NCF2: variants seen among roughly 807,000 people sequenced by gnomAD.
NCF2 encodes neutrophil cytosol factor 2.
Under a neutral mutation model 70.9 loss-of-function variants are expected in NCF2, and 45 were observed. The observed-to-expected ratio is 0.63, with a 90% CI of 0.50 to 0.81. NCF2 has a LOEUF of 0.81. NCF2 is among the 40% of genes least tolerant of loss of function. The probability of loss-of-function intolerance (pLI) is 0.00; values close to 1 mark genes in which losing one functional copy is unlikely to be tolerated. For synonymous variants in NCF2, 203 were observed against 233.6 expected, an observed-to-expected ratio of 0.87 and a Z score of 1.19; for missense variants, 522 against 631.6, an observed-to-expected ratio of 0.83 and a Z score of 1.86.
chr1:183,585,913 G>T (rs1431751873), intron 2 of NCF2, among the ~76,000 whole-genome samples: 1 of 152,166 alleles, frequency 6.6e-6, no homozygotes, highest in East Asian at 1.9e-4. Flanking sequence ...AGAAGAAAAT[G>T]GATTTTCCTA....
intron 6 of NCF2, among the ~76,000 whole-genome samples, chr1:183,569,496 C>T (rs1443250365): frequency 1.3e-5 from 2 of 152,214 alleles, no homozygotes; most frequent in Non-Finnish European, 2.9e-5. Context: ...TGACCTTGAG[C>T]TCTGTCCTTT....
chr1:183,573,348 G>A, intron 4 of NCF2, 56 bp from the exon 5 acceptor site: 9 of 1,467,734 alleles, frequency 6.1e-6, no homozygotes, highest in African/African-American at 1.4e-5. Flanking sequence ...GACGATGCTT[G>A]TCCTGCCTCC....
At chr1:183,565,818 A>T (rs1672277000) in intron 9 of NCF2, 39 bp from the exon 10 acceptor site, 3 of 1,604,838 alleles carry the variant, frequency 1.9e-6, no homozygotes, top group Non-Finnish European at 2.6e-6. Context: ...ACCTTCATTC[A>T]AAGTTCCCAG....
the NCF2 span, among the ~76,000 whole-genome samples, chr1:183,596,068 T>C: frequency 2.0e-5 from 3 of 152,080 alleles, no homozygotes; most frequent in African/African-American, 7.2e-5. Context: ...TTGTAATTAC[T>C]TGTTTAAACG....
At chr1:183,566,521 G>A (rs1672305282) in intron 9 of NCF2, among the ~76,000 whole-genome samples, 1 of 152,226 alleles carries the variant, frequency 6.6e-6, no homozygotes, top group Admixed American at 6.5e-5. Flanking sequence ...TAGGATTACA[G>A]CCATGAGCAA....
At chr1:183,559,685 C>T (rs770440400) in intron 14 of NCF2, among the ~76,000 whole-genome samples, 8 of 152,076 alleles carry the variant, frequency 5.3e-5, no homozygotes, top group Non-Finnish European at 8.8e-5. Context: ...ATGGCAAAAC[C>T]CCATCTCTAC....
At chr1:183,589,441 C>A (rs1673535819) in intron 1 of NCF2, among the ~76,000 whole-genome samples, 1 of 152,196 alleles carries the variant, frequency 6.6e-6, no homozygotes, top group African/African-American at 2.4e-5. Flanking sequence ...GGATTCGATC[C>A]TAGATCTTCT....
chr1:183,566,723 C>T (rs1672314830), intron 9 of NCF2, among the ~76,000 whole-genome samples, 197 bp downstream of exon 9: 1 of 152,248 alleles, frequency 6.6e-6, no homozygotes, highest in African/African-American at 2.4e-5. Context: ...ATGCCTCCAA[C>T]TTAGCACATC....
chr1:183,566,821 G>T, intron 9 of NCF2, 99 bp downstream of exon 9: 1 of 1,455,706 alleles, frequency 6.9e-7, no homozygotes, highest in South Asian at 1.2e-5. Flanking sequence ...TCTTTCTCCA[G>T]GGGTCCTGAC....
chr1:183,599,423 C>CTTCTTTCTTTCTTTCTTTTCTTTCT, the NCF2 span, among the ~76,000 whole-genome samples: 1 of 107,426 alleles, frequency 9.3e-6, no homozygotes, highest in African/African-American at 3.8e-5. Flanking sequence ...TCTTTCTTTC[C>CTTCTTTCTTTCTTTCTTTTCTTTCT]TTCTTTCTTT....
chr1:183,599,415 T>TTTCTTTCC, the NCF2 span, among the ~76,000 whole-genome samples: 4 of 129,734 alleles, frequency 3.1e-5, no homozygotes, highest in Admixed American at 7.8e-5. Flanking sequence ...TCTTTCTTTC[T>TTTCTTTCC]TTCTTTCCTT....
Position 183,590,428 on chromosome 1 carries a change from G to C in NCF2, c.-99C>G, listed in dbSNP as rs780050246. ...GCAGGGCTGCCTTAGTGGCCCCCAA[G>C]GTGTTCACTTTCTGGGCCAGATGAG... On this transcript the variant is annotated 5_prime_UTR_variant, in exon 1 of 15. Transcript: ENST00000367535. The C allele has an allele frequency of 7.4e-7, 1 of 1,358,924 alleles. No individual in the cohort carries two copies. The highest frequency in any genetic ancestry group is 1.0e-6 in the Non-Finnish European group (1 of 960,664). The allele number at this position is 1,358,924 out of a possible 1,614,324, so 84.2% of individuals were successfully genotyped here.
At chr1:183,568,213 AG>A (rs2102893193) in intron 7 of NCF2, among the ~76,000 whole-genome samples, 1 of 151,420 alleles carries the variant, frequency 6.6e-6, no homozygotes, top group African/African-American at 2.4e-5. Context: ...CCCAGGCTGG[AG>A]TGCAGTGACA....
intron 9 of NCF2, among the ~76,000 whole-genome samples, chr1:183,566,623 T>G (rs1289069294): frequency 6.6e-5 from 10 of 152,206 alleles, no homozygotes; most frequent in Admixed American, 5.9e-4. Context: ...TGGGAAGACC[T>G]AACCCACTCA....
At chr1:183,593,482 TTCCC>T (rs1462179631), upstream of NCF2, among the ~76,000 whole-genome samples, 1 of 152,158 alleles carries the variant, frequency 6.6e-6, no homozygotes, top group African/African-American at 2.4e-5. Context: ...TCCAGGTCAT[TTCCC>T]CTCCTCCTCT....
chr1:183,571,279 G>A (rs35714051), intron 5 of NCF2, among the ~76,000 whole-genome samples: 1,635 of 151,922 alleles, frequency 0.011, 12 homozygotes, highest in Non-Finnish European at 0.016. Flanking sequence ...CACTGTGCCC[G>A]GCTAATTTTT....
chr1:183,557,337 C>G (rs544535666), intron 14 of NCF2, among the ~76,000 whole-genome samples: 21 of 152,322 alleles, frequency 1.4e-4, no homozygotes, highest in African/African-American at 5.1e-4. Flanking sequence ...TGTGACTGGG[C>G]AGCAGTTTTT....
At chr1:183,569,717 T>C (rs1672463768) in intron 6 of NCF2, among the ~76,000 whole-genome samples, 1 of 152,206 alleles carries the variant, frequency 6.6e-6, no homozygotes, top group Non-Finnish European at 1.5e-5. Flanking sequence ...GCCTCCCATG[T>C]TGCTAGAATT....
upstream of NCF2, among the ~76,000 whole-genome samples, chr1:183,593,300 G>A (rs1484579559): frequency 6.6e-6 from 1 of 152,178 alleles, no homozygotes; most frequent in East Asian, 1.9e-4. Flanking sequence ...GAACATGATA[G>A]TCTTTTAACA....
Sources: allele counts gnomAD v4.1 joint callset (sites outside exome capture counted in the v4.1 genomes callset), GRCh38; gene constraint gnomAD v4.1.1; transcripts MANE v1.5; gene names NCBI Gene and HGNC (gene_info 2026-07-23, HGNC 2026-07-21).